PFKFB2: variants seen among roughly 807,000 people sequenced by gnomAD.
PFKFB2 encodes 6-phosphofructo-2-kinase/fructose-2,6-bisphosphatase 2.
PFKFB2 carries 53 observed loss-of-function variants against 68.0 expected under a neutral mutation model. The observed-to-expected ratio is 0.78, with a 90% confidence interval of 0.63 to 0.98. PFKFB2 has a LOEUF of 0.98. PFKFB2 is among the 50% of genes least tolerant of loss of function. The pLI is 0.00. For synonymous variants in PFKFB2, 222 were observed against 227.6 expected (o/e 0.98, Z 0.22); for missense variants, 451 against 642.0 (o/e 0.70, Z 3.22).
upstream of PFKFB2, chr1:207,052,059 C>G (rs537097596): frequency 5.5e-5 from 41 of 748,094 alleles, no homozygotes; most frequent in East Asian, 1.0e-4. Context: ...GAAATCCATA[C>G]TCATTGTTCT....
intron 2 of PFKFB2, among the ~76,000 whole-genome samples, chr1:207,056,526 C>T (rs1325592895): frequency 6.6e-6 from 1 of 151,572 alleles, no homozygotes; most frequent in Non-Finnish European, 1.5e-5. Flanking sequence ...CTTTTTTCTC[C>T]ATGGTAGGAA....
At chr1:207,068,750 CTT>C (rs535759053) in intron 10 of PFKFB2, among the ~76,000 whole-genome samples, 7 of 145,270 alleles carry the variant, frequency 4.8e-5, no homozygotes, top group Admixed American at 2.1e-4. Flanking sequence ...ACATTTCTTT[CTT>C]TTTTTTTTTT....
chr1:207,061,133 ATATATATCTT>A lies in PFKFB2; in HGVS notation c.86-812_86-803del, dbSNP rs1397837936. On this transcript the variant is annotated intron_variant, in intron 2 of 14. Coordinates refer to ENST00000367080, the MANE Select transcript of PFKFB2 (RefSeq NM_006212.2). The stretch of plus-strand genomic sequence containing the variant: ...TCTATATATCTTTATATATATCTTT[ATATATATCTT>A]TATATATATTTATATATATCTTTAT... Among the ~76,000 whole-genome samples the A allele has an allele frequency of 2.2e-3, 248 of 113,768 alleles. 13 individuals carry two copies. Among genetic ancestry groups the A allele is most frequent in the African/African-American group, 8.1e-3 (221 of 27,388 alleles). The allele number at this position is 113,768 out of a possible 152,430, so 74.6% of individuals were successfully genotyped here.
At position 207,065,163 on chromosome 1, in the gene PFKFB2, A is replaced by G. The variant is rs940836496; in HGVS notation, c.632+3A>G. 4.3e-6 allele frequency: 7 copies of G among 1,613,656 alleles called. No homozygotes were observed. The highest frequency in any genetic ancestry group is 5.9e-6 in the Non-Finnish European group (7 of 1,179,784). On this transcript the variant is annotated splice_donor_region_variant and intron_variant, in intron 8 of 14. Transcript: ENST00000367080. ...CTTGACCCAGACAACTATGACAAGTAAGGTTTAAGGCCATGGTTTGAAGGG... is the reference window on the plus strand; with the variant it reads ...CTTGACCCAGACAACTATGACAAGTGAGGTTTAAGGCCATGGTTTGAAGGG...
At chr1:207,048,630 T>C (rs1245841031), upstream of PFKFB2, 1 of 181,206 alleles carries the variant, frequency 5.5e-6, no homozygotes, top group African/African-American at 2.4e-5. Flanking sequence ...TAATACTCAA[T>C]CTCAATCGTA....
intron 1 of PFKFB2, 70 bp from the exon 2 acceptor site, chr1:207,054,631 C>T (rs1205553321): frequency 9.7e-7 from 1 of 1,031,638 alleles, no homozygotes; most frequent in Non-Finnish European, 1.5e-6. Flanking sequence ...GGATCCAATG[C>T]ACTGACTTTT....
Position 207,067,582 on chromosome 1 carries a change from T to A in PFKFB2, c.716T>A (p.Val239Asp). 1 of 1,613,886 alleles carries A rather than the reference T, an allele frequency of 6.2e-7. No homozygotes were observed. Among genetic ancestry groups the A allele is most frequent in the Non-Finnish European group, 8.5e-7 (1 of 1,179,852 alleles). ...CAGGACTACATCCAGAGCAAGATAG[T>A]CTACTACCTCATGAATATCCACGTC... is the stretch of plus-strand genomic sequence containing the variant. ...RVQDYIQSKIVYYLMNIHVQP... is the reference protein window; with the variant it reads ...RVQDYIQSKIDYYLMNIHVQP... Residue 239 changes from valine (V) to aspartate (D), a missense_variant, in exon 9 of 15, where the codon GTC becomes GAC. Coordinates refer to ENST00000367080, the MANE Select transcript of PFKFB2 (RefSeq NM_006212.2).
Position 207,072,467 on chromosome 1 carries a change from C to T in PFKFB2, c.*96C>T. ...TCACTAATCACCAAGGAGTCATTAA[C>T]TTCCTCCCTCTATGCCCACCCCTGA... On this transcript the variant is annotated 3_prime_UTR_variant, in exon 15 of 15. Coordinates refer to ENST00000367080, the MANE Select transcript of PFKFB2 (RefSeq NM_006212.2). The T allele has an allele frequency of 3.3e-6, 5 of 1,511,006 alleles. No homozygotes were observed. In the African/African-American group the frequency reaches 4.2e-5, roughly 13 times the overall value. The allele number at this position is 1,511,006 out of a possible 1,614,324, so 93.6% of individuals were successfully genotyped here.
At position 207,070,269 on chromosome 1, in the gene PFKFB2, T is replaced by C. The variant is rs1572734135; in HGVS notation, c.1093-11T>C. 1 of 1,612,564 alleles carries C rather than the reference T, an allele frequency of 6.2e-7. No homozygotes were observed. The highest frequency in any genetic ancestry group is 8.5e-7 in the Non-Finnish European group (1 of 1,179,804). ...TGGGCTCCTGCCAGCCTGCCCCATT[T>C]CCCTCCACAGTCATACCAGGACCTG... On this transcript the variant is annotated splice_polypyrimidine_tract_variant and intron_variant, in intron 11 of 14. Transcript: ENST00000367080. This position sits in a 1 kb window ranked among gnomAD's most constrained non-coding sequence, Gnocchi z 4.2.
upstream of PFKFB2, chr1:207,051,043 C>T: frequency 6.7e-7 from 1 of 1,491,282 alleles, no homozygotes; most frequent in Non-Finnish European, 8.9e-7. Context: ...CGAGAAGTTG[C>T]GGGTGGTTGC....
At position 207,070,472 on chromosome 1, in the gene PFKFB2, C is replaced by G; in HGVS notation, c.1222+63C>G. ...GGAGAGGGCTGGACTTGCAGTGGCA[C>G]CAGGATTCCTGGGAAACAGACCTCC... On this transcript the variant is annotated intron_variant, in intron 12 of 14. Transcript: ENST00000367080. This position sits in a 1 kb window ranked among gnomAD's most constrained non-coding sequence, Gnocchi z 4.2. 1 of 1,566,922 alleles carries G rather than the reference C, an allele frequency of 6.4e-7. No individual in the cohort carries two copies. The highest frequency in any genetic ancestry group is 8.7e-7 in the Non-Finnish European group (1 of 1,148,360).
rs959947871 is a variant in PFKFB2, at chr1:207,076,797, G to A, written c.*4426G>A. 2.0e-6 allele frequency: 2 copies of A among 985,238 alleles called. No homozygotes were observed. Among genetic ancestry groups the A allele is most frequent in the African/African-American group, 1.7e-5 (1 of 57,224 alleles). The allele number at this position is 985,238 out of a possible 1,614,324, so 61.0% of individuals were successfully genotyped here. Reference sequence around the variant, plus strand: ...GTGTCTGTGTGCTGACTGATAGATAGACTATAGTAAAATTTGGGTGTTGCC... The same window carrying A: ...GTGTCTGTGTGCTGACTGATAGATAAACTATAGTAAAATTTGGGTGTTGCC... On this transcript the variant is annotated 3_prime_UTR_variant, in exon 15 of 15. Coordinates refer to ENST00000367080, the MANE Select transcript of PFKFB2 (RefSeq NM_006212.2).
At chr1:207,064,782 T>G (rs191646445) in intron 7 of PFKFB2, among the ~76,000 whole-genome samples, 513 of 151,754 alleles carry the variant, frequency 3.4e-3, no homozygotes, top group African/African-American at 0.012. Context: ...AGGAGCAGCT[T>G]TGGCTGCGTG....
At chr1:207,054,508 A>T (rs1293897365) in intron 1 of PFKFB2, among the ~76,000 whole-genome samples, 193 bp from the exon 2 acceptor site, 1 of 152,224 alleles carries the variant, frequency 6.6e-6, no homozygotes, top group African/African-American at 2.4e-5. Context: ...GTAAGGTTCT[A>T]GTGCAACTCT....
At chr1:207,067,442 A>C in intron 8 of PFKFB2, 57 bp from the exon 9 acceptor site, 1 of 1,213,638 alleles carries the variant, frequency 8.2e-7, no homozygotes, top group Non-Finnish European at 1.2e-6. Context: ...TTTCCCTCTG[A>C]TTCTTATTCT....
chr1:207,064,355 A>G (rs1683216697), intron 7 of PFKFB2, among the ~76,000 whole-genome samples: 2 of 151,768 alleles, frequency 1.3e-5, no homozygotes, highest in African/African-American at 4.8e-5. Flanking sequence ...GCAGTGAGCC[A>G]TGATTGTGCC....
chr1:207,079,081 G>A (rs1346457635), downstream of PFKFB2: 4 of 1,402,396 alleles, frequency 2.9e-6, no homozygotes, highest in Admixed American at 5.0e-5. Context: ...AGCTTGGGAT[G>A]TCAGCTTCAC....
Position 207,076,429 on chromosome 1 carries a change from G to A in PFKFB2, c.*4058G>A. On this transcript the variant is annotated 3_prime_UTR_variant, in exon 15 of 15. Coordinates refer to ENST00000367080, the MANE Select transcript of PFKFB2 (RefSeq NM_006212.2). ...GCCCAGAAGCCATGTTGTGTTCATT[G>A]TTAAGAAATTTGATAGATTTACCCA... The A allele has an allele frequency of 1.0e-6, 1 of 985,136 alleles. No individual in the cohort carries two copies. The highest frequency in any genetic ancestry group is 1.2e-6 in the Non-Finnish European group (1 of 829,816). 61.0% of individuals were successfully genotyped at this position (985,136 alleles called of 1,614,324 possible).
At chr1:207,047,410 G>A (rs1404389310) in intron 2 of PFKFB2, 2 of 152,488 alleles carry the variant, frequency 1.3e-5, no homozygotes, top group Non-Finnish European at 2.9e-5. Context: ...CCTTCACCAA[G>A]TGAAAGTGCT....
Sources: gnomAD v4.1 joint callset for allele counts (sites outside exome capture counted in the v4.1 genomes callset) on GRCh38, gnomAD v4.1.1 for gene constraint, Gnocchi (gnomAD v3.1) non-coding constraint, MANE v1.5 for transcripts, NCBI Gene and HGNC (gene_info 2026-07-23, HGNC 2026-07-21) for gene names.